Variants in HIPK1 observed in about 807,000 individuals in gnomAD.
HIPK1 encodes homeodomain interacting protein kinase 1.
HIPK1 carries 28 observed loss-of-function variants against 117.1 expected under a neutral mutation model. The observed-to-expected ratio is 0.24, with a 90% CI of 0.18 to 0.33. The LOEUF is 0.33. Among genes scored for constraint, HIPK1 ranks in the 10% least tolerant of loss-of-function variants. The pLI, the probability that HIPK1 is intolerant of heterozygous loss-of-function variation, is 1.00. For synonymous variants in HIPK1, 605 were observed against 562.5 expected, an observed-to-expected ratio of 1.08 and a Z score of -1.07; for missense variants, 1,122 against 1,475.1, an observed-to-expected ratio of 0.76 and a Z score of 3.92.
At chr1:113,970,911 A>C (rs1354725727) in intron 14 of HIPK1, among the ~76,000 whole-genome samples, 1 of 152,228 alleles carries the variant, frequency 6.6e-6, no homozygotes, top group African/African-American at 2.4e-5. Context: ...GCTGGAAATA[A>C]GTGGAAATAG....
rs766089771 is a variant in HIPK1 at position 113,941,199 on chromosome 1, G to A, written c.816G>A (p.Glu272=). 1.1e-5 allele frequency: 17 copies of A among 1,614,106 alleles called. No individual in the cohort carries two copies. Among genetic ancestry groups the A allele is most frequent in the Non-Finnish European group, 1.4e-5 (17 of 1,180,048 alleles). The part of the protein sequence containing the change: ...NHTCLVFEML[E]QNLYDFLKQN... Reference sequence around the variant, plus strand: ...CCTGCCTTGTTTTTGAAATGTTGGAGCAGAACTTATATGATTTTCTAAAGC... The same window carrying A: ...CCTGCCTTGTTTTTGAAATGTTGGAACAGAACTTATATGATTTTCTAAAGC... The change falls in exon 2 of 16, where the codon GAG becomes GAA. Residue 272 remains glutamate (E), a synonymous_variant. Transcript: ENST00000426820. This position sits in a 1 kb window ranked among gnomAD's most constrained non-coding sequence, Gnocchi z 4.9.
At chr1:113,955,052 C>T (rs957837625) in intron 4 of HIPK1, among the ~76,000 whole-genome samples, 2 of 152,194 alleles carry the variant, frequency 1.3e-5, no homozygotes, top group Non-Finnish European at 2.9e-5. Context: ...GAACTAGAGA[C>T]ATATAGTAAT....
chr1:113,955,813 C>T (rs1361988624), intron 5 of HIPK1, among the ~76,000 whole-genome samples, 164 bp downstream of exon 5: 2 of 152,098 alleles, frequency 1.3e-5, no homozygotes, highest in Admixed American at 6.6e-5. Context: ...CATTTAAATC[C>T]TAACCAAGTA....
At position 113,940,698 on chromosome 1, in the gene HIPK1, C is replaced by A. The variant is rs773774313; in HGVS notation, c.315C>A (p.Thr105=). The A allele has an allele frequency of 3.1e-6, 5 of 1,614,034 alleles. No individual in the cohort carries two copies. The highest frequency in any genetic ancestry group is 3.4e-6 in the Non-Finnish European group (4 of 1,180,052). The change falls in exon 2 of 16, where the codon ACC becomes ACA. Residue 105 remains threonine, a synonymous_variant. Transcript: ENST00000426820. ...AATSTFQSSQ[T]LTHRSNVSLL... ...CATCAACCTTCCAAAGCAGCCAGAC[C>A]CTGACTCACAGAAGCAACGTTTCTT...
intron 13 of HIPK1, among the ~76,000 whole-genome samples, chr1:113,969,047 C>A (rs1020094327): frequency 6.6e-6 from 1 of 151,926 alleles, no homozygotes; most frequent in East Asian, 1.9e-4. Context: ...AAAAAAGGGC[C>A]GAAGAAAAAG....
chr1:113,966,627 A>G (rs564813713), intron 11 of HIPK1, among the ~76,000 whole-genome samples: 2 of 152,058 alleles, frequency 1.3e-5, no homozygotes, highest in Non-Finnish European at 2.9e-5. Context: ...CATACTAGGT[A>G]TATATATTTA....
At chr1:113,964,000 C>G (rs1392471289) in intron 10 of HIPK1, among the ~76,000 whole-genome samples, 1 of 152,176 alleles carries the variant, frequency 6.6e-6, no homozygotes, top group East Asian at 1.9e-4. Context: ...TTTTAAGGTT[C>G]TAAAACTTTT....
chr1:113,971,403 T>G (rs1016574012), intron 14 of HIPK1, among the ~76,000 whole-genome samples: 11 of 152,204 alleles, frequency 7.2e-5, no homozygotes, highest in African/African-American at 2.7e-4. Flanking sequence ...AAGATAGAAT[T>G]TTGCCTTCTT....
At chr1:113,956,557 G>A (rs1440691237) in intron 5 of HIPK1, 70 bp from the exon 6 acceptor site, 2 of 1,059,798 alleles carry the variant, frequency 1.9e-6, no homozygotes, top group Admixed American at 2.2e-5. Context: ...TAGTTTGGAG[G>A]GAAAGCAGCT....
chr1:113,943,038 C>G (rs1212962075), intron 2 of HIPK1, among the ~76,000 whole-genome samples: 1 of 152,128 alleles, frequency 6.6e-6, no homozygotes, highest in Non-Finnish European at 1.5e-5. Context: ...TTAACCCATA[C>G]AAGGACTCAG....
In HIPK1 at chr1:113,970,187, C is replaced by G. The variant is rs768215718; in HGVS notation, c.3003C>G (p.Thr1001=). The part of the protein sequence containing the change: ...KTQLGDCTVA[T]QASGLLSNKT... ...AGCTTGGTGACTGCACTGTAGCAACCCAGGCCTCAGGTCAGTGTTATCTTC... is the reference window on the plus strand; with the variant it reads ...AGCTTGGTGACTGCACTGTAGCAACGCAGGCCTCAGGTCAGTGTTATCTTC... The change falls in exon 14 of 16, where the codon ACC becomes ACG. Residue 1001 remains threonine (T), a synonymous_variant. Coordinates refer to ENST00000426820, the MANE Select transcript of HIPK1 (RefSeq NM_198268.3). 3.1e-6 allele frequency: 5 copies of G among 1,614,020 alleles called. No homozygotes were observed. The highest frequency in any genetic ancestry group is 3.4e-6 in the Non-Finnish European group (4 of 1,180,022).
chr1:113,968,238 T>G (rs1672584258), intron 12 of HIPK1, among the ~76,000 whole-genome samples: 1 of 152,218 alleles, frequency 6.6e-6, no homozygotes, highest in African/African-American at 2.4e-5. Flanking sequence ...AAGTAAAATG[T>G]CTTTTGTATT....
chr1:113,965,286 AT>A (rs34412792), intron 10 of HIPK1, among the ~76,000 whole-genome samples: 1 of 149,316 alleles, frequency 6.7e-6, no homozygotes. Context: ...ATCCGTTCCC[AT>A]TTTTTTTTTC....
chr1:113,938,966 A>ACACACACT (rs1670459998), intron 1 of HIPK1, among the ~76,000 whole-genome samples: 1 of 125,934 alleles, frequency 7.9e-6, no homozygotes, highest in South Asian at 2.5e-4. Context: ...ACACACACTT[A>ACACACACT]GGAGATGGAA....
chr1:113,962,377 C>T lies in HIPK1; in HGVS notation c.2042C>T (p.Pro681Leu), dbSNP rs1558143731. The T allele has an allele frequency of 3.1e-6, 5 of 1,613,818 alleles. No individual in the cohort carries two copies. Among genetic ancestry groups the T allele is most frequent in the Non-Finnish European group, 4.2e-6 (5 of 1,179,778 alleles). ...GFPVRMDNAV[P>L]IVPQAPAAQP... ...CCTGTGAGGATGGATAATGCTGTAC[C>T]GATTGTACCCCAGGCACCAGCTGCT... is the stretch of plus-strand genomic sequence containing the variant. Residue 681 changes from proline to leucine, a missense_variant, in exon 9 of 16, where the codon CCG (proline) becomes CTG (leucine). Transcript: ENST00000426820.
intron 13 of HIPK1, among the ~76,000 whole-genome samples, 157 bp from the exon 14 acceptor site, chr1:113,969,799 C>T (rs1288366735): frequency 6.6e-6 from 1 of 152,046 alleles, no homozygotes; most frequent in Non-Finnish European, 1.5e-5. Flanking sequence ...CCCAGCTACT[C>T]GGGAGGCTAA....
At chr1:113,935,724 T>G (rs1490331622) in intron 1 of HIPK1, among the ~76,000 whole-genome samples, 3 of 152,224 alleles carry the variant, frequency 2.0e-5, no homozygotes, top group Non-Finnish European at 4.4e-5. Context: ...TTCTGACTGG[T>G]GTGAGATGGT....
chr1:113,956,519 CTT>C (rs1451842045), intron 5 of HIPK1, 106 bp from the exon 6 acceptor site: 2 of 613,286 alleles, frequency 3.3e-6, no homozygotes, highest in Non-Finnish European at 5.2e-6. Flanking sequence ...CCAGGTTTCT[CTT>C]TTGATTACAT....
At chr1:113,952,620 A>G in intron 2 of HIPK1, 146 bp from the exon 3 acceptor site, 1 of 511,254 alleles carries the variant, frequency 2.0e-6, no homozygotes. Flanking sequence ...TGAGCTTCAG[A>G]TGATGGATTG....
Sources: gnomAD v4.1 joint callset for allele counts (sites outside exome capture counted in the v4.1 genomes callset) on GRCh38, gnomAD v4.1.1 for gene constraint, Gnocchi (gnomAD v3.1) non-coding constraint, MANE v1.5 for transcripts, NCBI Gene and HGNC (gene_info 2026-07-23, HGNC 2026-07-21) for gene names.